PCDH15: variants seen among roughly 807,000 people sequenced by gnomAD.
PCDH15 encodes the protein protocadherin related 15.
A neutral mutation model predicts 178.5 loss-of-function variants in PCDH15; 129 were observed. The observed-to-expected ratio is 0.72, with a 90% CI of 0.63 to 0.84. The LOEUF (loss-of-function observed/expected upper bound fraction) is 0.84, where lower values mean the gene tolerates loss of function less well. Ranked by LOEUF, PCDH15 falls within the 40% of genes least tolerant of loss-of-function variation. The probability of loss-of-function intolerance (pLI) is 0.00; values close to 1 mark genes in which losing one functional copy is unlikely to be tolerated. For missense variants in PCDH15, 2,230 were observed against 2,099.9 expected (o/e 1.06, Z -1.21); for synonymous variants, 800 against 732.0 (o/e 1.09, Z -1.50).
intron 2 of PCDH15, among the ~76,000 whole-genome samples, chr10:55,095,539 C>A (rs1390178095): frequency 6.6e-6 from 1 of 151,966 alleles, no homozygotes; most frequent in East Asian, 1.9e-4. Context: ...TTTCTTTCTA[C>A]CTCAAAATAA....
chr10:54,415,820 G>C (rs117805897), intron 3 of PCDH15, among the ~76,000 whole-genome samples: 2,664 of 152,106 alleles, frequency 0.018, 58 homozygotes, highest in Non-Finnish European at 0.023. Flanking sequence ...GGGAAATGTT[G>C]TATGATCTCG....
chr10:55,362,003 A>G (rs1307349864), intron 2 of PCDH15, among the ~76,000 whole-genome samples: 25 of 152,088 alleles, frequency 1.6e-4, no homozygotes, highest in Admixed American at 1.6e-3. Flanking sequence ...TACATTGGAA[A>G]TATATAAACA....
chr10:54,582,651 TC>T (rs1000204112), intron 2 of PCDH15, among the ~76,000 whole-genome samples: 3 of 152,064 alleles, frequency 2.0e-5, no homozygotes, highest in Non-Finnish European at 4.4e-5. Context: ...GGTGTCTCAC[TC>T]CCGTAATCAC....
intron 2 of PCDH15, among the ~76,000 whole-genome samples, chr10:54,936,284 T>G (rs1837906124): frequency 6.6e-6 from 1 of 152,080 alleles, no homozygotes; most frequent in African/African-American, 2.4e-5. Flanking sequence ...ATTCATTAGT[T>G]GATGAACATT....
chr10:55,160,625 C>G (rs1349911254), intron 2 of PCDH15, among the ~76,000 whole-genome samples: 2 of 152,018 alleles, frequency 1.3e-5, no homozygotes, highest in Non-Finnish European at 2.9e-5. Context: ...CGTTCTTCAG[C>G]ACCTTTGCAT....
intron 15 of PCDH15, 129 bp from the exon 16 acceptor site, chr10:54,090,192 C>CTA (rs1313822967): frequency 2.3e-5 from 17 of 751,440 alleles, no homozygotes; most frequent in Non-Finnish European, 3.4e-5. Context: ...AAGATTAAAG[C>CTA]ATGGCCTAAT....
intron 2 of PCDH15, among the ~76,000 whole-genome samples, chr10:55,555,342 G>A (rs1842069999): frequency 6.6e-6 from 1 of 152,052 alleles, no homozygotes. Flanking sequence ...CCCTAAAGCT[G>A]CTTACTTCTG....
intron 3 of PCDH15, among the ~76,000 whole-genome samples, chr10:54,507,351 C>CTATA (rs542871940): frequency 6.7e-6 from 1 of 149,948 alleles, no homozygotes; most frequent in Non-Finnish European, 1.5e-5. Context: ...AATATACATG[C>CTATA]TATATATATA....
At chr10:54,754,814 C>A (rs113048769) in intron 1 of PCDH15, among the ~76,000 whole-genome samples, 1 of 152,072 alleles carries the variant, frequency 6.6e-6, no homozygotes, top group African/African-American at 2.4e-5. Flanking sequence ...ATAAACATGC[C>A]AGAAAAAATG....
At chr10:53,885,774 A>G (rs2081050601) in intron 26 of PCDH15, among the ~76,000 whole-genome samples, 1 of 152,200 alleles carries the variant, frequency 6.6e-6, no homozygotes, top group Non-Finnish European at 1.5e-5. Context: ...TATATTGAGT[A>G]TTCCTCAGTG....
At chr10:54,163,300 TCA>T (rs1410731838) in intron 13 of PCDH15, among the ~76,000 whole-genome samples, 1 of 152,028 alleles carries the variant, frequency 6.6e-6, no homozygotes, top group Non-Finnish European at 1.5e-5. Flanking sequence ...TTTAATTGAC[TCA>T]CAGTTCCACA....
chr10:54,994,884 T>C (rs1839597458), intron 2 of PCDH15, among the ~76,000 whole-genome samples: 1 of 152,158 alleles, frequency 6.6e-6, no homozygotes, highest in Non-Finnish European at 1.5e-5. Context: ...TGTGATAAAT[T>C]ATCAGTGTTC....
At chr10:54,050,803 T>G (rs2093754895) in intron 18 of PCDH15, among the ~76,000 whole-genome samples, 1 of 152,194 alleles carries the variant, frequency 6.6e-6, no homozygotes, top group African/African-American at 2.4e-5. Flanking sequence ...TGATATGGTT[T>G]GGCTGTGTCC....
intron 2 of PCDH15, among the ~76,000 whole-genome samples, chr10:54,969,299 G>A (rs1046869412): frequency 1.3e-5 from 2 of 152,132 alleles, no homozygotes; most frequent in African/African-American, 4.8e-5. Flanking sequence ...TATAAGCTGT[G>A]TTAAGAGCAG....
chr10:55,226,774 CAG>C (rs1022455688), intron 1 of PCDH15, among the ~76,000 whole-genome samples: 1 of 151,924 alleles, frequency 6.6e-6, no homozygotes, highest in Non-Finnish European at 1.5e-5. Flanking sequence ...TAATTTAAAA[CAG>C]AAAATATTTA....
chr10:54,150,739 G>C (rs568081198), intron 14 of PCDH15, among the ~76,000 whole-genome samples: 1 of 151,666 alleles, frequency 6.6e-6, no homozygotes, highest in South Asian at 2.1e-4. Context: ...TGATATTATA[G>C]TTATTAATTA....
intron 1 of PCDH15, among the ~76,000 whole-genome samples, chr10:54,793,606 C>T (rs985792207): frequency 2.0e-5 from 3 of 150,626 alleles, no homozygotes; most frequent in Non-Finnish European, 4.4e-5. Flanking sequence ...GAATCACAAT[C>T]TATTTTTGCA....
intron 1 of PCDH15, among the ~76,000 whole-genome samples, chr10:55,300,770 A>G (rs1229778123): frequency 6.6e-6 from 1 of 152,184 alleles, no homozygotes; most frequent in Admixed American, 6.6e-5. Flanking sequence ...TTTAAATGAG[A>G]TAACTGTAAC....
chr10:55,341,640 G>T (rs1844560157), intron 2 of PCDH15, among the ~76,000 whole-genome samples: 2 of 147,650 alleles, frequency 1.4e-5, no homozygotes, highest in Non-Finnish European at 1.5e-5. Flanking sequence ...CGCGATCTTG[G>T]CTTACTCCAA....
Sources: gnomAD v4.1 joint callset for allele counts (sites outside exome capture counted in the v4.1 genomes callset) on GRCh38, gnomAD v4.1.1 for gene constraint, MANE v1.5 for transcripts, NCBI Gene and HGNC (gene_info 2026-07-23, HGNC 2026-07-21) for gene names.